The following NR3C1 variants were observed in gnomAD, a reference collection of about 807,000 sequenced individuals.
NR3C1 encodes nuclear receptor subfamily 3 group C member 1, also known as glucocorticoid receptor.
In NR3C1, 14 loss-of-function variants were observed where a neutral mutation model predicts 74.0. The ratio of observed to expected loss-of-function variants is 0.19; its 90% CI spans 0.12 to 0.30. The LOEUF is 0.30. NR3C1 is among the 10% of genes least tolerant of loss of function. The pLI is 1.00. For missense variants in NR3C1, 695 were observed against 909.8 expected (o/e 0.76, Z 3.04); for synonymous variants, 308 against 332.5 (o/e 0.93, Z 0.80).
At position 143,403,521 on chromosome 5, in the gene NR3C1, C is replaced by A; in HGVS notation, c.-324G>T. 1.0e-6 allele frequency: 1 copy of A among 985,522 alleles called. No homozygotes were observed. The highest frequency in any genetic ancestry group is 1.2e-6 in the Non-Finnish European group (1 of 830,048). The allele number at this position is 985,522 out of a possible 1,614,324, so 61.0% of individuals were successfully genotyped here. On this transcript the variant is annotated 5_prime_UTR_variant, in exon 1 of 9. Transcript: ENST00000394464. ...TCCGGCTGCGGCGTCTCCTTCCACC[C>A]ACAGAATCCGTCCCCGACGGGCAGG...
chr5:143,339,132 G>A lies in NR3C1; in HGVS notation c.1185-24964C>T, dbSNP rs562656741. On this transcript the variant is annotated intron_variant, in intron 2 of 8. Coordinates refer to ENST00000394464, the MANE Select transcript of NR3C1 (RefSeq NM_000176.3). ...GTTCACTCTATGATGTCTGCACAATGATGACATCGCCTAATGATGCATTTC... is the reference window on the plus strand; with the variant it reads ...GTTCACTCTATGATGTCTGCACAATAATGACATCGCCTAATGATGCATTTC... Among the ~76,000 whole-genome samples, 125 of 152,276 alleles carry A rather than the reference G, an allele frequency of 8.2e-4. 1 individual carries two copies. The highest frequency in any genetic ancestry group is 3.4e-3 in the Middle Eastern group (1 of 294).
chr5:143,401,280 G>C (rs1384105714), intron 1 of NR3C1: 2 of 230,218 alleles, frequency 8.7e-6, no homozygotes, highest in Non-Finnish European at 1.7e-5. Flanking sequence ...ACGGCTGTTT[G>C]CTTTTCTGAG....
chr5:143,325,134 A>C (rs1278458679), intron 2 of NR3C1, among the ~76,000 whole-genome samples: 1 of 152,112 alleles, frequency 6.6e-6, no homozygotes, highest in Non-Finnish European at 1.5e-5. Context: ...GTACCAATTT[A>C]CTGTATTAGT....
exon 1 of NR3C1, chr5:143,434,630 C>T: frequency 1.0e-6 from 1 of 985,414 alleles, no homozygotes; most frequent in Non-Finnish European, 1.2e-6. Context: ...ACAACTAAAG[C>T]CCGAGGAGGG....
intron 3 of NR3C1, among the ~76,000 whole-genome samples, chr5:143,311,810 C>CTTTT (rs1821030617): frequency 1.7e-5 from 2 of 118,008 alleles, no homozygotes; most frequent in South Asian, 2.6e-4. Context: ...TTTTTTTTTC[C>CTTTT]TGTAGAGACG....
At chr5:143,346,907 G>A (rs1829395064) in intron 2 of NR3C1, among the ~76,000 whole-genome samples, 1 of 152,164 alleles carries the variant, frequency 6.6e-6, no homozygotes, top group Non-Finnish European at 1.5e-5. Flanking sequence ...ATAGTGAATG[G>A]TATAAGGCTA....
chr5:143,335,512 A>C (rs1024511280), intron 2 of NR3C1, among the ~76,000 whole-genome samples: 3 of 152,266 alleles, frequency 2.0e-5, no homozygotes, highest in Admixed American at 1.3e-4. Context: ...AACAGCAAAA[A>C]GTTTAAATTA....
At chr5:143,370,630 T>G (rs1181854325) in intron 2 of NR3C1, among the ~76,000 whole-genome samples, 1 of 152,234 alleles carries the variant, frequency 6.6e-6, no homozygotes. Context: ...TCCCAGACTT[T>G]AGCAAGGTCG....
chr5:143,318,926 T>C (rs1221256184), intron 2 of NR3C1, among the ~76,000 whole-genome samples: 6 of 152,182 alleles, frequency 3.9e-5, no homozygotes, highest in Non-Finnish European at 8.8e-5. Context: ...TGCATGACAG[T>C]GAATACAGTA....
chr5:143,368,192 A>G (rs1283432617), intron 2 of NR3C1, among the ~76,000 whole-genome samples: 4 of 152,182 alleles, frequency 2.6e-5, no homozygotes, highest in Non-Finnish European at 4.4e-5. Context: ...TCATTACACA[A>G]AAGAATAAGT....
chr5:143,337,895 A>G (rs1483959859), intron 2 of NR3C1, among the ~76,000 whole-genome samples: 1 of 152,212 alleles, frequency 6.6e-6, no homozygotes, highest in Admixed American at 6.5e-5. Context: ...ACCTCTGGGG[A>G]GGAGGAACAA....
At position 143,298,715 on chromosome 5, in the gene NR3C1, T is replaced by C. The variant is rs376974913; in HGVS notation, c.1845A>G (p.Gln615=). 2.2e-5 allele frequency: 36 copies of C among 1,613,858 alleles called. No homozygotes were observed. In the African/African-American group the frequency reaches 3.5e-4, roughly 16 times the overall value. The change falls in exon 6 of 9, where the codon CAA becomes CAG. Residue 615 remains glutamine (Q), a synonymous_variant. Coordinates refer to ENST00000394464, the MANE Select transcript of NR3C1 (RefSeq NM_000176.3). Reference sequence around the variant, plus strand: ...CAAAACACAGCAGGTTTGCACTTGATTGTCTATATGATCTCCACCCCAGAG... The same window carrying C: ...CAAAACACAGCAGGTTTGCACTTGACTGTCTATATGATCTCCACCCCAGAG... ...AFALGWRSYR[Q]SSANLLCFAP... is the part of the protein sequence containing the mutation.
chr5:143,284,320 T>C (rs755839104), intron 7 of NR3C1, among the ~76,000 whole-genome samples: 29 of 152,182 alleles, frequency 1.9e-4, no homozygotes, highest in Non-Finnish European at 4.1e-4. Flanking sequence ...CTCTTTTTCA[T>C]TGGATTATGA....
At chr5:143,395,256 A>AC (rs1463069533) in intron 2 of NR3C1, among the ~76,000 whole-genome samples, 3 of 151,934 alleles carry the variant, frequency 2.0e-5, no homozygotes. Flanking sequence ...AAAATACAAA[A>AC]CCCAAGTATT....
At chr5:143,325,285 A>C (rs1460026921) in intron 2 of NR3C1, among the ~76,000 whole-genome samples, 1 of 152,230 alleles carries the variant, frequency 6.6e-6, no homozygotes, top group Non-Finnish European at 1.5e-5. Flanking sequence ...TGGTGGCAAA[A>C]GAAAAATGAG....
chr5:143,304,473 G>A (rs1015560663), intron 4 of NR3C1, among the ~76,000 whole-genome samples: 3 of 152,098 alleles, frequency 2.0e-5, no homozygotes, highest in African/African-American at 7.2e-5. Context: ...TAGTTAAAAT[G>A]GTCATACTAC....
intron 2 of NR3C1, among the ~76,000 whole-genome samples, chr5:143,394,444 C>T (rs561914325): frequency 6.6e-6 from 1 of 151,760 alleles, no homozygotes; most frequent in African/African-American, 2.4e-5. Flanking sequence ...AATATATTAC[C>T]AAAGAAAAGG....
intron 4 of NR3C1, among the ~76,000 whole-genome samples, chr5:143,309,216 G>A (rs1820354034): frequency 1.3e-5 from 2 of 151,958 alleles, no homozygotes; most frequent in Non-Finnish European, 2.9e-5. Flanking sequence ...TGGGACTACA[G>A]GTGACACCAC....
chr5:143,430,578 A>G (rs1033082505), intron 1 of NR3C1, among the ~76,000 whole-genome samples: 3 of 152,196 alleles, frequency 2.0e-5, no homozygotes, highest in Non-Finnish European at 4.4e-5. Flanking sequence ...GTGGAGCCCT[A>G]TGAATGGGAT....
Sources: gnomAD v4.1 joint callset for allele counts (sites outside exome capture counted in the v4.1 genomes callset) on GRCh38, gnomAD v4.1.1 for gene constraint, MANE v1.5 for transcripts, NCBI Gene and HGNC (gene_info 2026-07-23, HGNC 2026-07-21) for gene names.